RABGAP1L: variants seen among roughly 807,000 people sequenced by gnomAD.
The protein encoded by RABGAP1L is RAB GTPase activating protein 1 like, also known as rab GTPase-activating protein 1-like.
RABGAP1L carries 63 observed loss-of-function variants against 137.7 expected under a neutral mutation model. The observed-to-expected ratio is 0.46, with a 90% confidence interval of 0.37 to 0.56. RABGAP1L has a LOEUF of 0.56. RABGAP1L is among the 20% of genes least tolerant of loss of function. RABGAP1L has a pLI of 0.00. For synonymous variants in RABGAP1L, 431 were observed against 433.7 expected, an observed-to-expected ratio of 0.99 and a Z score of 0.08; for missense variants, 1,095 against 1,244.0, an observed-to-expected ratio of 0.88 and a Z score of 1.80.
At chr1:174,564,746 G>C (rs1667454789) in intron 13 of RABGAP1L, among the ~76,000 whole-genome samples, 1 of 152,150 alleles carries the variant, frequency 6.6e-6, no homozygotes, top group Non-Finnish European at 1.5e-5. Context: ...CAACTTCAGA[G>C]ATGTGAAATA....
At chr1:174,309,126 G>A (rs1678576345) in intron 11 of RABGAP1L, among the ~76,000 whole-genome samples, 1 of 151,916 alleles carries the variant, frequency 6.6e-6, no homozygotes, top group Admixed American at 6.6e-5. Context: ...TTTATCTTTT[G>A]TAGCTAATGG....
At chr1:174,621,709 G>C (rs1469450622) in intron 13 of RABGAP1L, among the ~76,000 whole-genome samples, 8 of 152,000 alleles carry the variant, frequency 5.3e-5, no homozygotes, top group South Asian at 2.1e-4. Flanking sequence ...AATTCAAGAT[G>C]GATTAAAGAC....
At chr1:174,560,114 A>T (rs948902383) in intron 13 of RABGAP1L, among the ~76,000 whole-genome samples, 38 of 152,046 alleles carry the variant, frequency 2.5e-4, no homozygotes, top group Non-Finnish European at 5.3e-4. Context: ...AGCCTGGGCA[A>T]CAGGGCGAGA....
intron 18 of RABGAP1L, among the ~76,000 whole-genome samples, chr1:174,758,450 A>C (rs543584362): frequency 7.6e-4 from 113 of 149,146 alleles, no homozygotes; most frequent in Non-Finnish European, 1.0e-3. Flanking sequence ...CCGCCCTCCC[A>C]CCCTTTCCCC....
chr1:174,187,731 A>G (rs998778663), intron 1 of RABGAP1L, among the ~76,000 whole-genome samples: 7 of 152,058 alleles, frequency 4.6e-5, no homozygotes, highest in African/African-American at 1.7e-4. Context: ...CTATCTTAAG[A>G]ATTCTGATCA....
At chr1:174,906,533 C>A (rs1344803343) in intron 19 of RABGAP1L, among the ~76,000 whole-genome samples, 3 of 151,946 alleles carry the variant, frequency 2.0e-5, no homozygotes, top group African/African-American at 4.8e-5. Flanking sequence ...GAGGGTGAGG[C>A]AGGAAAATTG....
chr1:174,241,387 T>G (rs948607491), intron 4 of RABGAP1L, 96 bp from the exon 5 acceptor site: 4 of 805,042 alleles, frequency 5.0e-6, no homozygotes, highest in Admixed American at 6.8e-5. Context: ...GTAAAACTAT[T>G]TGTTCTTTTT....
chr1:174,929,849 T>TTA (rs1663474809), intron 19 of RABGAP1L, among the ~76,000 whole-genome samples: 1 of 28,046 alleles, frequency 3.6e-5, no homozygotes, highest in Non-Finnish European at 5.3e-5. Flanking sequence ...CAAAATTTAA[T>TTA]TTTTTTTTTT....
intron 19 of RABGAP1L, among the ~76,000 whole-genome samples, chr1:174,880,064 CAAA>C (rs10610404): frequency 6.3e-5 from 8 of 127,952 alleles, no homozygotes; most frequent in Admixed American, 7.9e-5. Flanking sequence ...GACTCTGTCT[CAAA>C]AAAAAAAAAA....
intron 11 of RABGAP1L, among the ~76,000 whole-genome samples, chr1:174,352,834 T>C (rs1282327780): frequency 6.6e-6 from 1 of 152,238 alleles, no homozygotes; most frequent in Non-Finnish European, 1.5e-5. Flanking sequence ...TGTGGAATTT[T>C]AGAGGTACCT....
intron 11 of RABGAP1L, among the ~76,000 whole-genome samples, chr1:174,360,585 AG>A (rs1684052173): frequency 6.6e-6 from 1 of 152,154 alleles, no homozygotes; most frequent in Non-Finnish European, 1.5e-5. Flanking sequence ...TAATATGCCG[AG>A]CTTCAAAATG....
intron 19 of RABGAP1L, among the ~76,000 whole-genome samples, chr1:174,865,907 C>T (rs1342875155): frequency 6.6e-6 from 1 of 152,118 alleles, no homozygotes; most frequent in Admixed American, 6.6e-5. Context: ...CACATCTCAA[C>T]TGTGCTCATA....
intron 19 of RABGAP1L, among the ~76,000 whole-genome samples, chr1:174,850,651 G>A (rs764374012): frequency 6.6e-6 from 1 of 152,140 alleles, no homozygotes; most frequent in African/African-American, 2.4e-5. Flanking sequence ...CCCCAAAGAT[G>A]TCCCACCGTA....
intron 10 of RABGAP1L, among the ~76,000 whole-genome samples, chr1:174,304,491 T>C (rs1189357036): frequency 6.6e-6 from 1 of 152,012 alleles, no homozygotes; most frequent in Non-Finnish European, 1.5e-5. Context: ...TATATTTTTA[T>C]ACATATAGCA....
intron 14 of RABGAP1L, among the ~76,000 whole-genome samples, chr1:174,664,852 C>T (rs1676666035): frequency 6.6e-6 from 1 of 150,876 alleles, no homozygotes; most frequent in South Asian, 2.1e-4. Context: ...TTTCTCCTGC[C>T]TCAGCCTCCC....
At position 174,958,257 on chromosome 1, in the gene RABGAP1L, G is replaced by A. The variant is rs185120031; in HGVS notation, c.2433+708G>A. On this transcript the variant is annotated intron_variant, in intron 20 of 25. Transcript: ENST00000681986. ...GAACAACAGTGATATTTGAGTTAAA[G>A]TATGAAGTTTCAGAATCAAAATAAT... 8 of 1,145,908 alleles carry A rather than the reference G, an allele frequency of 7.0e-6. No individual in the cohort carries two copies. In the East Asian group the frequency reaches 4.3e-4, roughly 62 times the overall value. The allele number at this position is 1,145,908 out of a possible 1,614,324, so 71.0% of individuals were successfully genotyped here.
chr1:174,231,446 G>A, intron 4 of RABGAP1L, 91 bp downstream of exon 4: 1 of 1,166,224 alleles, frequency 8.6e-7, no homozygotes, highest in Non-Finnish European at 1.3e-6. Context: ...AGAACTTACT[G>A]TGAACTCACA....
chr1:174,161,535 C>T (rs1001383951), intron 1 of RABGAP1L, among the ~76,000 whole-genome samples: 5 of 151,686 alleles, frequency 3.3e-5, no homozygotes, highest in Admixed American at 1.3e-4. Flanking sequence ...CCACAGCGCC[C>T]GGCCTCTGAT....
intron 18 of RABGAP1L, among the ~76,000 whole-genome samples, chr1:174,756,583 G>C (rs1287145720): frequency 6.6e-6 from 1 of 152,134 alleles, no homozygotes; most frequent in African/African-American, 2.4e-5. Context: ...GAGGGTGGGG[G>C]TGAGGGATGG....
Sources: allele counts gnomAD v4.1 joint callset (sites outside exome capture counted in the v4.1 genomes callset), GRCh38; gene constraint gnomAD v4.1.1; transcripts MANE v1.5; gene names NCBI Gene and HGNC (gene_info 2026-07-23, HGNC 2026-07-21).